The following ANKRD13C variants were observed in gnomAD, a reference collection of about 807,000 sequenced individuals.
ANKRD13C encodes ankyrin repeat domain-containing protein 13C.
Under a neutral mutation model 65.5 loss-of-function variants are expected in ANKRD13C, and 16 were observed. The observed-to-expected ratio is 0.24, with a 90% confidence interval of 0.17 to 0.37. The LOEUF is 0.37. ANKRD13C is among the 10% of genes least tolerant of loss of function. The pLI, the probability that ANKRD13C is intolerant of heterozygous loss-of-function variation, is 1.00. For synonymous variants in ANKRD13C, 235 were observed against 238.7 expected, an observed-to-expected ratio of 0.98 and a Z score of 0.14; for missense variants, 503 against 655.9, an observed-to-expected ratio of 0.77 and a Z score of 2.55.
rs760579328 is a variant in ANKRD13C, at chr1:70,262,686, C to G, written c.*31G>C. On this transcript the variant is annotated 3_prime_UTR_variant, in exon 13 of 13. Coordinates refer to ENST00000370944, the MANE Select transcript of ANKRD13C (RefSeq NM_030816.5). ...TTCTAGGGTCTCTGTATTTTCTTTC[C>G]TTGGTTAGACGGCATCCTTTTCCAC... 1 of 1,594,938 alleles carries G rather than the reference C, an allele frequency of 6.3e-7. No individual in the cohort carries two copies. The highest frequency in any genetic ancestry group is 2.2e-5 in the East Asian group (1 of 44,496).
chr1:70,309,732 A>AAAAAAAAAAAAAAAT (rs1553248051), intron 5 of ANKRD13C, among the ~76,000 whole-genome samples: 1 of 107,100 alleles, frequency 9.3e-6, no homozygotes, highest in Admixed American at 1.0e-4. Flanking sequence ...AAAAAAAAAA[A>AAAAAAAAAAAAAAAT]AATAATAATA....
At chr1:70,290,673 T>A (rs534183279) in intron 9 of ANKRD13C, among the ~76,000 whole-genome samples, 64 of 151,570 alleles carry the variant, frequency 4.2e-4, no homozygotes, top group African/African-American at 1.5e-3. Context: ...TCCCAAGTAG[T>A]TGGAACTATA....
At chr1:70,314,471 C>T (rs542176476) in intron 4 of ANKRD13C, among the ~76,000 whole-genome samples, 21 of 151,790 alleles carry the variant, frequency 1.4e-4, no homozygotes, top group African/African-American at 4.6e-4. Flanking sequence ...GTGATCCACC[C>T]GCTTCGGCCT....
At chr1:70,328,344 T>C (rs1238835719) in intron 2 of ANKRD13C, among the ~76,000 whole-genome samples, 1 of 152,076 alleles carries the variant, frequency 6.6e-6, no homozygotes, top group Non-Finnish European at 1.5e-5. Flanking sequence ...AACACAGAAG[T>C]ATATAATGAT....
intron 6 of ANKRD13C, among the ~76,000 whole-genome samples, chr1:70,303,098 T>C (rs76765633): frequency 0.018 from 2,798 of 152,324 alleles, 87 homozygotes; most frequent in African/African-American, 0.063. Context: ...AAATTAGTTA[T>C]AGAAACTTCC....
intron 5 of ANKRD13C, among the ~76,000 whole-genome samples, chr1:70,313,320 G>A (rs544361901): frequency 6.6e-6 from 1 of 151,972 alleles, no homozygotes; most frequent in Non-Finnish European, 1.5e-5. Context: ...CTTGAGCCCA[G>A]GTGTTCTAGA....
chr1:70,322,780 G>A (rs1046906615), intron 3 of ANKRD13C, among the ~76,000 whole-genome samples: 1 of 152,074 alleles, frequency 6.6e-6, no homozygotes, highest in Non-Finnish European at 1.5e-5. Flanking sequence ...ATCACCTGAC[G>A]TCAGGAGTTC....
At chr1:70,310,463 A>C (rs1231593561) in intron 5 of ANKRD13C, among the ~76,000 whole-genome samples, 1 of 152,186 alleles carries the variant, frequency 6.6e-6, no homozygotes, top group Non-Finnish European at 1.5e-5. Flanking sequence ...CTTTATTAGC[A>C]ATGAAACAGA....
Position 70,354,653 on chromosome 1 carries a change from A to T in ANKRD13C, c.-245T>A. 1 of 946,426 alleles carries T rather than the reference A, an allele frequency of 1.1e-6. No homozygotes were observed. The highest frequency in any genetic ancestry group is 1.5e-6 in the Non-Finnish European group (1 of 655,758). 58.6% of individuals were successfully genotyped at this position (946,426 alleles called of 1,614,324 possible). A position where few individuals can be genotyped will look rare whatever the true frequency, so the allele number is the denominator to read the frequency against. ...CAGGTGCCCACGACACCAGGATCTC[A>T]GTCTCGCCGTCGCAGCCGCCGTCGC... On this transcript the variant is annotated 5_prime_UTR_variant, in exon 1 of 13. Coordinates refer to ENST00000370944, the MANE Select transcript of ANKRD13C (RefSeq NM_030816.5).
At chr1:70,270,361 G>A (rs1678824638) in intron 12 of ANKRD13C, among the ~76,000 whole-genome samples, 1 of 152,072 alleles carries the variant, frequency 6.6e-6, no homozygotes, top group Non-Finnish European at 1.5e-5. Context: ...TTAAATATTT[G>A]ACAAAACATA....
chr1:70,341,337 G>A (rs887305863), intron 1 of ANKRD13C, among the ~76,000 whole-genome samples: 1 of 150,424 alleles, frequency 6.6e-6, no homozygotes, highest in Non-Finnish European at 1.5e-5. Context: ...GATATATCAG[G>A]GTCCAAATCT....
rs549093869 is a variant in ANKRD13C at position 70,282,742 on chromosome 1, C to T, written c.1216-5898G>A. On this transcript the variant is annotated intron_variant, in intron 9 of 12. Coordinates refer to ENST00000370944, the MANE Select transcript of ANKRD13C (RefSeq NM_030816.5). ...ATATGCTAGAAAGCAGAGAGACATG[C>T]GTTTAATAGAACCTTTAATTTTAGG... Among the ~76,000 whole-genome samples the T allele has an allele frequency of 2.5e-4, 38 of 152,228 alleles. No homozygotes were observed. In the South Asian group the frequency reaches 6.8e-3, roughly 27 times the overall value.
chr1:70,298,155 A>G (rs551813955), intron 7 of ANKRD13C, among the ~76,000 whole-genome samples: 44 of 152,318 alleles, frequency 2.9e-4, no homozygotes, highest in African/African-American at 1.1e-3. Flanking sequence ...CTTCAAATAT[A>G]TTATGAATCA....
intron 6 of ANKRD13C, 25 bp from the exon 7 acceptor site, chr1:70,300,933 A>T: frequency 6.3e-7 from 1 of 1,587,346 alleles, no homozygotes; most frequent in Non-Finnish European, 8.5e-7. Context: ...TAGATGATAA[A>T]CTCTGACAAA....
Position 70,276,849 on chromosome 1 carries a change from C to CAA in ANKRD13C, c.1216-7_1216-6dup, listed in dbSNP as rs745401277. 168 of 1,258,518 alleles carry CAA rather than the reference C, an allele frequency of 1.3e-4. No individual in the cohort carries two copies. The highest frequency in any genetic ancestry group is 4.0e-4 in the Admixed American group (16 of 39,896). The allele number at this position is 1,258,518 out of a possible 1,614,324, so 78.0% of individuals were successfully genotyped here. ...AAGAGACTGTCTTCGAATCGGCTGC[C>CAA]AAAAAAAAAAAAGAAAGAAAGTGGG... On this transcript the variant is annotated splice_polypyrimidine_tract_variant and splice_region_variant and intron_variant, in intron 9 of 12. Transcript: ENST00000370944.
intron 8 of ANKRD13C, among the ~76,000 whole-genome samples, chr1:70,294,643 T>C (rs1680002525): frequency 6.6e-6 from 1 of 151,852 alleles, no homozygotes; most frequent in South Asian, 2.1e-4. Flanking sequence ...CTCTTTTTTT[T>C]TTTTGGACAG....
At chr1:70,348,879 C>G (rs1682636562) in intron 1 of ANKRD13C, among the ~76,000 whole-genome samples, 1 of 152,134 alleles carries the variant, frequency 6.6e-6, no homozygotes, top group Admixed American at 6.6e-5. Context: ...TAATTAAAGG[C>G]AGGAGAAACT....
intron 9 of ANKRD13C, among the ~76,000 whole-genome samples, chr1:70,291,026 C>T (rs140626103): frequency 0.014 from 2,061 of 151,760 alleles, 57 homozygotes; most frequent in African/African-American, 0.047. Context: ...AAAACATTAA[C>T]ATCTGGGAAA....
Position 70,291,806 on chromosome 1 carries a change from CTAAA to C in ANKRD13C, c.1215+578_1215+581del, listed in dbSNP as rs771383691. ...TGGGCGACAGAGGGAGACTCCAACT[CTAAA>C]TAAATAAATAAATAAATAACACTAG... On this transcript the variant is annotated intron_variant, in intron 9 of 12. Transcript: ENST00000370944. 5.9e-5 allele frequency among the ~76,000 whole-genome samples: 9 copies of C among 151,496 alleles called. No individual in the cohort carries two copies. In the South Asian group the frequency reaches 1.9e-3, roughly 32 times the overall value.
Sources: gnomAD v4.1 joint callset for allele counts (sites outside exome capture counted in the v4.1 genomes callset) on GRCh38, gnomAD v4.1.1 for gene constraint, MANE v1.5 for transcripts, NCBI Gene and HGNC (gene_info 2026-07-23, HGNC 2026-07-21) for gene names.